UBXN8: variants seen among roughly 807,000 people sequenced by gnomAD.
UBXN8 encodes the protein UBX domain-containing protein 8.
Under a neutral mutation model 32.1 loss-of-function variants are expected in UBXN8, and 27 were observed. The ratio of observed to expected loss-of-function variants is 0.84; its 90% CI spans 0.62 to 1.16. The LOEUF (loss-of-function observed/expected upper bound fraction) is 1.16, where lower values mean the gene tolerates loss of function less well. Among genes scored for constraint, UBXN8 ranks in the 50% most tolerant of loss-of-function variants. The probability of loss-of-function intolerance (pLI) is 0.00; values close to 1 mark genes in which losing one functional copy is unlikely to be tolerated. For synonymous variants in UBXN8, 109 were observed against 111.8 expected (o/e 0.98, Z 0.16); for missense variants, 306 against 311.4 (o/e 0.98, Z 0.13).
chr8:30,766,349 T>C lies in UBXN8; in HGVS notation c.768T>C (p.Thr256=), dbSNP rs1347936062. Residue 256 remains threonine, a synonymous_variant, in exon 8 of 8, where the codon ACT becomes ACC. Transcript: ENST00000265616. ...GGQSLEDIGI[T]VDTVLILEEK... Reference sequence around the variant, plus strand: ...AGTCGCTGGAGGACATAGGAATAACTGTGGACACTGTACTCATCCTGGAGG... The same window carrying C: ...AGTCGCTGGAGGACATAGGAATAACCGTGGACACTGTACTCATCCTGGAGG... 6.2e-7 allele frequency: 1 copy of C among 1,613,280 alleles called. No individual in the cohort carries two copies. Among genetic ancestry groups the C allele is most frequent in the Admixed American group, 1.7e-5 (1 of 59,856 alleles).
At chr8:30,739,108 A>G (rs1432721150) in intron 1 of UBXN8, among the ~76,000 whole-genome samples, 1 of 150,794 alleles carries the variant, frequency 6.6e-6, no homozygotes, top group Non-Finnish European at 1.5e-5. Flanking sequence ...GAGTGGTTTC[A>G]TGGGGGTTGA....
chr8:30,740,607 C>T (rs925024858), upstream of UBXN8, among the ~76,000 whole-genome samples: 2 of 150,502 alleles, frequency 1.3e-5, no homozygotes, highest in East Asian at 4.0e-4. Flanking sequence ...TGTTTGTAGT[C>T]CCAGCTACTC....
At chr8:30,742,593 C>T (rs1264145242), upstream of UBXN8, among the ~76,000 whole-genome samples, 21 of 152,126 alleles carry the variant, frequency 1.4e-4, no homozygotes, top group Admixed American at 1.3e-3. Flanking sequence ...CTGCCTCCTT[C>T]CGCCTCCCAA....
At chr8:30,742,960 C>A (rs145190955), upstream of UBXN8, among the ~76,000 whole-genome samples, 1 of 151,802 alleles carries the variant, frequency 6.6e-6, no homozygotes, top group Non-Finnish European at 1.5e-5. Flanking sequence ...AATTCAGTAA[C>A]TTGTAAATAT....
upstream of UBXN8, among the ~76,000 whole-genome samples, chr8:30,740,386 T>C (rs1427957691): frequency 2.1e-4 from 2 of 9,354 alleles, no homozygotes; most frequent in Non-Finnish European, 4.6e-4. Context: ...ATAAAAATTA[T>C]TTTTTGGCCA....
intron 6 of UBXN8, 32 bp downstream of exon 6, chr8:30,760,961 T>TTATTTTC: frequency 7.0e-7 from 1 of 1,428,616 alleles, no homozygotes; most frequent in Non-Finnish European, 9.4e-7. Flanking sequence ...AAAATTAAAC[T>TTATTTTC]TATTTTCTAT....
intron 4 of UBXN8, among the ~76,000 whole-genome samples, chr8:30,755,512 G>A (rs541343435): frequency 6.6e-6 from 1 of 152,186 alleles, no homozygotes; most frequent in South Asian, 2.1e-4. Flanking sequence ...CAGCAATTTG[G>A]AAGGATGAGG....
chr8:30,754,186 G>A (rs1805587724), intron 3 of UBXN8: 1 of 208,476 alleles, frequency 4.8e-6, no homozygotes. Context: ...ATGGCAGTGA[G>A]TGGAGACTGC....
At chr8:30,763,132 C>A (rs1296703138) in intron 6 of UBXN8, 141 bp from the exon 7 acceptor site, 11 of 796,812 alleles carry the variant, frequency 1.4e-5, no homozygotes, top group Non-Finnish European at 2.2e-5. Context: ...AGGCGTGAGC[C>A]ACCACCATGC....
At chr8:30,730,956 G>T (rs959860345), upstream of UBXN8, among the ~76,000 whole-genome samples, 2 of 152,246 alleles carry the variant, frequency 1.3e-5, no homozygotes, top group African/African-American at 4.8e-5. Flanking sequence ...ATGAACGTCA[G>T]GCCCGGCGAA....
chr8:30,744,310 G>A, intron 1 of UBXN8, 33 bp downstream of exon 1: 1 of 1,595,116 alleles, frequency 6.3e-7, no homozygotes, highest in Non-Finnish European at 8.6e-7. Context: ...GACAGTCACA[G>A]CTGGGTAATT....
At chr8:30,739,329 T>G (rs60867272), upstream of UBXN8, among the ~76,000 whole-genome samples, 5,803 of 149,570 alleles carry the variant, frequency 0.039, 399 homozygotes, top group African/African-American at 0.12. Flanking sequence ...TGGATCACGA[T>G]GTCAGGAGAT....
chr8:30,758,882 T>TTG (rs369123266), intron 5 of UBXN8, among the ~76,000 whole-genome samples: 2 of 115,802 alleles, frequency 1.7e-5, no homozygotes, highest in South Asian at 5.8e-4. Flanking sequence ...GTTTTTTTTG[T>TTG]TTGTTTTTTT....
At chr8:30,748,974 C>G (rs528271685) in intron 1 of UBXN8, among the ~76,000 whole-genome samples, 1 of 152,292 alleles carries the variant, frequency 6.6e-6, no homozygotes, top group East Asian at 1.9e-4. Context: ...AGTAAAAATT[C>G]CAAGAGGATG....
upstream of UBXN8, among the ~76,000 whole-genome samples, chr8:30,729,958 C>A (rs1345267988): frequency 6.6e-6 from 1 of 152,138 alleles, no homozygotes; most frequent in Admixed American, 6.5e-5. Context: ...TCCCGCTCCA[C>A]CCACCGAGGG....
chr8:30,765,668 C>T (rs933726822), intron 7 of UBXN8, among the ~76,000 whole-genome samples: 17 of 151,900 alleles, frequency 1.1e-4, no homozygotes, highest in African/African-American at 3.6e-4. Context: ...ATTCTCCCTC[C>T]TCAGCCTCCT....
intron 6 of UBXN8, among the ~76,000 whole-genome samples, chr8:30,761,656 T>C (rs1470215648): frequency 1.3e-5 from 2 of 151,748 alleles, no homozygotes; most frequent in African/African-American, 4.8e-5. Context: ...GAGGATTACT[T>C]CAGCTTAGGA....
At chr8:30,742,127 T>A (rs1805218070), upstream of UBXN8, among the ~76,000 whole-genome samples, 1 of 152,162 alleles carries the variant, frequency 6.6e-6, no homozygotes, top group East Asian at 1.9e-4. Flanking sequence ...TCCTTATGCA[T>A]GATGAACACA....
chr8:30,753,248 A>G, intron 3 of UBXN8, 143 bp downstream of exon 3: 3 of 1,234,210 alleles, frequency 2.4e-6, no homozygotes, highest in South Asian at 6.1e-5. Context: ...ACATAAATTG[A>G]CCATTTTATT....
Sources: gnomAD v4.1 joint callset for allele counts (sites outside exome capture counted in the v4.1 genomes callset) on GRCh38, gnomAD v4.1.1 for gene constraint, MANE v1.5 for transcripts, NCBI Gene and HGNC (gene_info 2026-07-23, HGNC 2026-07-21) for gene names.